DPRX: variants seen among roughly 807,000 people sequenced by gnomAD.
The protein encoded by DPRX is divergent-paired related homeobox.
In DPRX, 11 loss-of-function variants were observed where a neutral mutation model predicts 8.4. That is an observed-to-expected ratio of 1.31 (90% confidence interval 0.82 to 2.17). DPRX has a LOEUF of 2.17. DPRX is among the 30% of genes most tolerant of loss of function. The probability of loss-of-function intolerance (pLI) is 0.00; values close to 1 mark genes in which losing one functional copy is unlikely to be tolerated. For missense variants in DPRX, 211 were observed against 236.7 expected (o/e 0.89, Z 0.71); for synonymous variants, 72 against 87.0 (o/e 0.83, Z 0.96).
At chr19:53,624,906 G>A in the DPRX span, among the ~76,000 whole-genome samples, 5 of 151,512 alleles carry the variant, frequency 3.3e-5, no homozygotes, top group Admixed American at 2.0e-4. Flanking sequence ...GAGATCGGGC[G>A]TGTTCCCGGT....
upstream of DPRX, among the ~76,000 whole-genome samples, chr19:53,631,610 A>G (rs1157434157): frequency 6.6e-6 from 1 of 151,926 alleles, no homozygotes. Context: ...AAATACAAAA[A>G]TTAGTCAGGA....
chr19:53,636,643 GCATATT>G, exon 3 of DPRX: 1 of 1,613,964 alleles, frequency 6.2e-7, no homozygotes, highest in Non-Finnish European at 8.5e-7. Context: ...CGAAATGCAA[GCATATT>G]CATCAAAAAC....
At chr19:53,602,618 C>T in the DPRX span, among the ~76,000 whole-genome samples, 1 of 151,368 alleles carries the variant, frequency 6.6e-6, no homozygotes. Flanking sequence ...ACTGGAAACT[C>T]GGCCTCTCCG....
At chr19:53,601,350 A>T in the DPRX span, 19 of 456,534 alleles carry the variant, frequency 4.2e-5, no homozygotes, top group Non-Finnish European at 8.4e-5. Context: ...TGCTGACCAG[A>T]GGAGAACAGG....
At chr19:53,630,272 T>C (rs1219928533), upstream of DPRX, among the ~76,000 whole-genome samples, 1 of 149,916 alleles carries the variant, frequency 6.7e-6, no homozygotes, top group African/African-American at 2.5e-5. Flanking sequence ...TGAATTGCCC[T>C]CCAGCCTGAG....
chr19:53,602,785 C>T, the DPRX span, among the ~76,000 whole-genome samples: 3 of 151,610 alleles, frequency 2.0e-5, no homozygotes, highest in Non-Finnish European at 4.4e-5. Flanking sequence ...CACTCCCCCC[C>T]GGCACCCGGC....
the DPRX span, among the ~76,000 whole-genome samples, chr19:53,615,102 G>A: frequency 6.6e-6 from 1 of 151,898 alleles, no homozygotes; most frequent in Non-Finnish European, 1.5e-5. Context: ...CCAGGCTGGA[G>A]TGCTTCAGCC....
the DPRX span, chr19:53,602,173 G>A: frequency 3.1e-5 from 14 of 455,422 alleles, no homozygotes; most frequent in African/African-American, 1.8e-4. Context: ...ACTGGAAAAG[G>A]GTCAAGGTTG....
the DPRX span, among the ~76,000 whole-genome samples, chr19:53,604,800 G>A: frequency 6.7e-6 from 1 of 149,278 alleles, no homozygotes; most frequent in Non-Finnish European, 1.5e-5. Flanking sequence ...CTGAGATCGT[G>A]CCACTGCACT....
chr19:53,613,495 G>A, the DPRX span, among the ~76,000 whole-genome samples: 75 of 151,234 alleles, frequency 5.0e-4, no homozygotes, highest in Admixed American at 4.6e-4. Context: ...TTACGGGTGC[G>A]TGCCATCATG....
At chr19:53,611,186 G>A in the DPRX span, among the ~76,000 whole-genome samples, 1 of 152,102 alleles carries the variant, frequency 6.6e-6, no homozygotes, top group Admixed American at 6.6e-5. Context: ...ACAGGCGCGA[G>A]CCACAGAGCC....
At chr19:53,607,499 C>G in the DPRX span, among the ~76,000 whole-genome samples, 1 of 152,080 alleles carries the variant, frequency 6.6e-6, no homozygotes, top group Non-Finnish European at 1.5e-5. Context: ...GAGCCATGAT[C>G]GTGCTACTGC....
chr19:53,635,908 T>A (rs2091110141), intron 2 of DPRX, among the ~76,000 whole-genome samples: 1 of 152,194 alleles, frequency 6.6e-6, no homozygotes, highest in South Asian at 2.1e-4. Flanking sequence ...TGCTCTCCTA[T>A]CCCCTGCTCT....
At chr19:53,624,058 T>C in the DPRX span, among the ~76,000 whole-genome samples, 4 of 150,986 alleles carry the variant, frequency 2.6e-5, no homozygotes, top group South Asian at 6.3e-4. Flanking sequence ...GTATTTCATA[T>C]TAATGCACTG....
the DPRX span, chr19:53,608,391 C>T: frequency 6.6e-6 from 1 of 152,484 alleles, no homozygotes; most frequent in Admixed American, 6.6e-5. Flanking sequence ...AAAAGGTTCA[C>T]ACCTGTGAAG....
At chr19:53,611,795 G>T in the DPRX span, among the ~76,000 whole-genome samples, 196 of 152,118 alleles carry the variant, frequency 1.3e-3, no homozygotes, top group African/African-American at 4.6e-3. Flanking sequence ...CAAATTTGAG[G>T]TGAACTGGCT....
chr19:53,603,023 ATGTG>A, the DPRX span, among the ~76,000 whole-genome samples: 1 of 112,578 alleles, frequency 8.9e-6, no homozygotes, highest in Non-Finnish European at 2.0e-5. Flanking sequence ...GTGTGTATAT[ATGTG>A]TGTGTGTGTG....
At chr19:53,635,198 G>C (rs74837513) in intron 2 of DPRX, among the ~76,000 whole-genome samples, 1 of 152,020 alleles carries the variant, frequency 6.6e-6, no homozygotes, top group Non-Finnish European at 1.5e-5. Context: ...GTAGAGATGG[G>C]GTTTCGCTAT....
chr19:53,618,117 T>A, the DPRX span, among the ~76,000 whole-genome samples: 1 of 144,606 alleles, frequency 6.9e-6, no homozygotes, highest in Non-Finnish European at 1.5e-5. Context: ...CACTCCAGCC[T>A]GGGCGACAGA....
Sources: gnomAD v4.1 joint callset for allele counts (sites outside exome capture counted in the v4.1 genomes callset) on GRCh38, gnomAD v4.1.1 for gene constraint, MANE v1.5 for transcripts, NCBI Gene and HGNC (gene_info 2026-07-23, HGNC 2026-07-21) for gene names.